Variants in CATSPERE observed in about 807,000 individuals in gnomAD.
CATSPERE encodes the protein cation channel sperm-associated auxiliary subunit epsilon.
Under a neutral mutation model 114.1 loss-of-function variants are expected in CATSPERE, and 93 were observed. The observed-to-expected ratio is 0.81, with a 90% CI of 0.69 to 0.97. The LOEUF is 0.97. Ranked by LOEUF, CATSPERE falls within the 50% of genes least tolerant of loss-of-function variation. The pLI is 0.00. For synonymous variants in CATSPERE, 341 were observed against 384.1 expected (o/e 0.89, Z 1.31); for missense variants, 1,058 against 1,131.6 (o/e 0.93, Z 0.93).
intron 11 of CATSPERE, among the ~76,000 whole-genome samples, chr1:244,579,548 T>C (rs1160869818): frequency 2.0e-5 from 3 of 152,178 alleles, no homozygotes; most frequent in East Asian, 1.9e-4. Flanking sequence ...AGTATACTAA[T>C]TGAAAAAAAA....
rs1355365365 is a variant in CATSPERE at position 244,633,538 on chromosome 1, C to T, written c.2649-1951C>T. ...GAATTAAATTCAAAAACAGTCATGACTCCTTTATACAAAAAGGGTAAAGTC... is the reference window on the plus strand; with the variant it reads ...GAATTAAATTCAAAAACAGTCATGATTCCTTTATACAAAAAGGGTAAAGTC... On this transcript the variant is annotated intron_variant, in intron 20 of 21. Transcript: ENST00000366534. The surrounding 1 kb of genome is among the most constrained non-coding windows in gnomAD (Gnocchi z 4.1). 6.6e-6 allele frequency among the ~76,000 whole-genome samples: 1 copy of T among 152,168 alleles called. No homozygotes were observed. The highest frequency in any genetic ancestry group is 2.4e-5 in the African/African-American group (1 of 41,448).
At chr1:244,492,672 A>T (rs1028904211) in intron 6 of CATSPERE, among the ~76,000 whole-genome samples, 6 of 152,048 alleles carry the variant, frequency 3.9e-5, no homozygotes, top group African/African-American at 1.5e-4. Flanking sequence ...TTTGCAGACG[A>T]CATGATTGTA....
chr1:244,459,080 CTTT>C (rs36076606), upstream of CATSPERE, among the ~76,000 whole-genome samples: 8 of 134,468 alleles, frequency 5.9e-5, no homozygotes, highest in African/African-American at 5.5e-5. Flanking sequence ...CTGGGCTCAG[CTTT>C]TTTTTTTTTT....
intron 7 of CATSPERE, among the ~76,000 whole-genome samples, chr1:244,502,896 G>T (rs1674282546): frequency 6.6e-6 from 1 of 152,174 alleles, no homozygotes; most frequent in Non-Finnish European, 1.5e-5. Context: ...AGGAGAGAAA[G>T]GTTCCCATCC....
chr1:244,489,969 A>C (rs946995354), intron 5 of CATSPERE, among the ~76,000 whole-genome samples: 19 of 152,228 alleles, frequency 1.2e-4, no homozygotes, highest in Non-Finnish European at 1.9e-4. Context: ...AAGAAACCTC[A>C]ACATTTAACA....
chr1:244,591,869 C>A (rs1667764402), intron 15 of CATSPERE, 138 bp downstream of exon 15: 2 of 562,514 alleles, frequency 3.6e-6, no homozygotes, highest in Non-Finnish European at 6.4e-6. Context: ...TAGCATTAAG[C>A]AAAATGTGTA....
At chr1:244,632,706 T>C (rs928309145) in intron 20 of CATSPERE, among the ~76,000 whole-genome samples, 2 of 151,848 alleles carry the variant, frequency 1.3e-5, no homozygotes, top group Non-Finnish European at 2.9e-5. Context: ...AAAAACTTTA[T>C]TAATACAAAA....
intron 17 of CATSPERE, among the ~76,000 whole-genome samples, 178 bp from the exon 18 acceptor site, chr1:244,605,517 T>A (rs1669873126): frequency 6.6e-6 from 1 of 152,078 alleles, no homozygotes; most frequent in Non-Finnish European, 1.5e-5. Flanking sequence ...TGTTATTATT[T>A]TACAGAAAAA....
chr1:244,544,118 T>G (rs1249827826), intron 8 of CATSPERE, among the ~76,000 whole-genome samples: 2 of 152,140 alleles, frequency 1.3e-5, no homozygotes, highest in African/African-American at 2.4e-5. Flanking sequence ...AGCCTGTCTA[T>G]AGACCCAAAA....
chr1:244,572,254 G>C (rs4290045), intron 10 of CATSPERE, 76 bp from the exon 11 acceptor site: 711,875 of 713,102 alleles, frequency 1, 355,337 homozygotes, highest in East Asian at 1. Flanking sequence ...AAATTATTTT[G>C]GTTAAAAGTA....
chr1:244,487,034 C>A (rs1165509783), intron 5 of CATSPERE, among the ~76,000 whole-genome samples: 3 of 151,060 alleles, frequency 2.0e-5, no homozygotes, highest in African/African-American at 7.3e-5. Context: ...ACTCGTGGGC[C>A]AGGTACAGAC....
chr1:244,557,960 A>G (rs1281327448), intron 9 of CATSPERE, among the ~76,000 whole-genome samples: 1 of 151,062 alleles, frequency 6.6e-6, no homozygotes, highest in Non-Finnish European at 1.5e-5. Flanking sequence ...AGTGCATCTG[A>G]GTTTTTTTCA....
intron 5 of CATSPERE, among the ~76,000 whole-genome samples, chr1:244,486,971 G>A (rs1259969005): frequency 1.3e-5 from 2 of 150,068 alleles, no homozygotes; most frequent in Non-Finnish European, 3.0e-5. Context: ...GAGTACTCGT[G>A]GGCCATGTGT....
At chr1:244,533,618 G>A (rs1236469279) in intron 8 of CATSPERE, among the ~76,000 whole-genome samples, 1 of 152,064 alleles carries the variant, frequency 6.6e-6, no homozygotes, top group East Asian at 1.9e-4. Flanking sequence ...CTAAACAAAT[G>A]AGAAATTTGA....
intron 7 of CATSPERE, among the ~76,000 whole-genome samples, chr1:244,508,494 G>T (rs1572464088): frequency 6.6e-6 from 1 of 151,204 alleles, no homozygotes; most frequent in East Asian, 2.0e-4. Flanking sequence ...GTAGAGATGG[G>T]GTTTCACCGT....
intron 7 of CATSPERE, among the ~76,000 whole-genome samples, chr1:244,512,812 G>A (rs1232953436): frequency 6.6e-6 from 1 of 152,208 alleles, no homozygotes; most frequent in Admixed American, 6.5e-5. Flanking sequence ...GGGCACAGTA[G>A]TGTAGTCCCT....
intron 2 of CATSPERE, among the ~76,000 whole-genome samples, chr1:244,474,740 T>C (rs1004595056): frequency 8.8e-5 from 13 of 148,042 alleles, no homozygotes; most frequent in South Asian, 2.1e-4. Flanking sequence ...TCTTCTTCTT[T>C]TTTTTTTTTT....
Position 244,617,601 on chromosome 1 carries a change from A to C in CATSPERE, c.2563A>C (p.Ser855Arg). The part of the protein sequence containing the change: ...DLNQPYEIIN[S>R]SNGNHIFWPM... ...AAATCAACCATACGAGATTATCAAC[A>C]GTTCTAATGGTAACCATATATTTTG... is the stretch of plus-strand genomic sequence containing the variant. The change falls in exon 20 of 22, where the codon AGT (serine) becomes CGT (arginine). Residue 855 changes from serine (S) to arginine (R), a missense_variant. Transcript: ENST00000366534. The C allele has an allele frequency of 6.5e-7, 1 of 1,544,110 alleles. No individual in the cohort carries two copies. The highest frequency in any genetic ancestry group is 8.7e-7 in the Non-Finnish European group (1 of 1,144,834).
At chr1:244,625,360 TTTA>T (rs1672974056) in intron 20 of CATSPERE, among the ~76,000 whole-genome samples, 1 of 9,402 alleles carries the variant, frequency 1.1e-4, no homozygotes, top group African/African-American at 1.6e-4. Flanking sequence ...TTTGGGGGGG[TTTA>T]TTTATTTATT....
Sources: gnomAD v4.1 joint callset for allele counts (sites outside exome capture counted in the v4.1 genomes callset) on GRCh38, gnomAD v4.1.1 for gene constraint, Gnocchi (gnomAD v3.1) non-coding constraint, MANE v1.5 for transcripts, NCBI Gene and HGNC (gene_info 2026-07-23, HGNC 2026-07-21) for gene names.